PSMD1: variants seen among roughly 807,000 people sequenced by gnomAD.
PSMD1 encodes the protein 26S proteasome non-ATPase regulatory subunit 1.
Under a neutral mutation model 119.0 loss-of-function variants are expected in PSMD1, and 18 were observed. The observed-to-expected ratio is 0.15, with a 90% CI of 0.10 to 0.22. The LOEUF is 0.22. Ranked by LOEUF, PSMD1 falls within the 10% of genes least tolerant of loss-of-function variation. The pLI is 1.00. For synonymous variants in PSMD1, 374 were observed against 396.6 expected, an observed-to-expected ratio of 0.94 and a Z score of 0.68; for missense variants, 702 against 1,158.5, an observed-to-expected ratio of 0.61 and a Z score of 5.72.
In PSMD1 at chr2:231,123,484, A is replaced by G. The variant is rs766042968; in HGVS notation, c.1884-15252A>G. 9 of 1,613,978 alleles carry G rather than the reference A, an allele frequency of 5.6e-6. No individual in the cohort carries two copies. The East Asian group carries it at 1.1e-4, about 20-fold the overall frequency. ...CAGCAAATCAGCCACCGCCAAGGAC[A>G]TTAGAAAGTAATTAGTAGCATACTG... On this transcript the variant is annotated intron_variant, in intron 16 of 24. Transcript: ENST00000308696.
chr2:231,164,997 G>A (rs1574780080), intron 21 of PSMD1: 3 of 179,850 alleles, frequency 1.7e-5, no homozygotes, highest in African/African-American at 5.6e-5. Flanking sequence ...TAAATGTCCT[G>A]CTTAGTTTTC....
intron 18 of PSMD1, among the ~76,000 whole-genome samples, chr2:231,151,846 CTT>C (rs1696383701): frequency 1.0e-5 from 1 of 95,384 alleles, no homozygotes; most frequent in African/African-American, 4.3e-5. Flanking sequence ...GAGTTTTGCT[CTT>C]GTCGCCCAGG....
intron 16 of PSMD1, among the ~76,000 whole-genome samples, chr2:231,109,884 C>T (rs905587676): frequency 5.9e-5 from 9 of 152,078 alleles, no homozygotes; most frequent in African/African-American, 2.2e-4. Flanking sequence ...AACAGTTTTT[C>T]CTTTTGATAT....
At chr2:231,057,143 G>A in intron 1 of PSMD1, 102 bp downstream of exon 1, 23 of 1,378,722 alleles carry the variant, frequency 1.7e-5, no homozygotes, top group Non-Finnish European at 2.1e-5. Flanking sequence ...GCGGAACGCC[G>A]GCCTGGGCAG....
rs755697730 is a variant in PSMD1, at chr2:231,109,379, A to G, written c.1883+22198A>G. The stretch of plus-strand genomic sequence containing the variant: ...GTTTGGGTTGTCCACATCAGTCTCT[A>G]TCCCTTTAATAGGGACTGGAATGGC... On this transcript the variant is annotated intron_variant, in intron 16 of 24. Transcript: ENST00000308696. The G allele has an allele frequency of 3.1e-6, 5 of 1,614,158 alleles. No homozygotes were observed. In the East Asian group the frequency reaches 6.7e-5, roughly 22 times the overall value.
At chr2:231,167,705 A>G (rs1696820424) in intron 23 of PSMD1, among the ~76,000 whole-genome samples, 1 of 152,224 alleles carries the variant, frequency 6.6e-6, no homozygotes, top group Non-Finnish European at 1.5e-5. Context: ...AGGGAATACA[A>G]ACTTTATAGA....
At chr2:231,063,672 T>A (rs1201089628) in intron 4 of PSMD1, among the ~76,000 whole-genome samples, 1 of 152,226 alleles carries the variant, frequency 6.6e-6, no homozygotes, top group African/African-American at 2.4e-5. Context: ...TTTATTGCTG[T>A]TGGAGGCTCA....
intron 23 of PSMD1, among the ~76,000 whole-genome samples, chr2:231,166,675 G>A (rs1448537963): frequency 6.6e-6 from 1 of 152,102 alleles, no homozygotes; most frequent in African/African-American, 2.4e-5. Flanking sequence ...CCAGGTTCTT[G>A]TAGATAACTA....
At chr2:231,122,123 A>G (rs1695565994) in intron 16 of PSMD1, among the ~76,000 whole-genome samples, 1 of 152,170 alleles carries the variant, frequency 6.6e-6, no homozygotes, top group Admixed American at 6.5e-5. Context: ...TTACAAATTT[A>G]TAAAACAGGG....
At position 231,072,353 on chromosome 2, in the gene PSMD1, C is replaced by T; in HGVS notation, c.819C>T (p.Thr273=). 2 of 1,613,958 alleles carry T rather than the reference C, an allele frequency of 1.2e-6. No homozygotes were observed. The highest frequency in any genetic ancestry group is 2.2e-5 in the East Asian group (1 of 44,866). The change falls in exon 7 of 25, where the codon ACC becomes ACT. Residue 273 remains threonine, a synonymous_variant. Coordinates refer to ENST00000308696, the MANE Select transcript of PSMD1 (RefSeq NM_002807.4). ...TCCAGAATCTTCGAACTGTTGGCACCCCTATTGCTTCTGTGCCTGGATCCA... is the reference window on the plus strand; with the variant it reads ...TCCAGAATCTTCGAACTGTTGGCACTCCTATTGCTTCTGTGCCTGGATCCA... ...SVIQNLRTVG[T]PIASVPGSTN...
intron 16 of PSMD1, among the ~76,000 whole-genome samples, chr2:231,096,224 C>G (rs1694721474): frequency 6.6e-6 from 1 of 152,224 alleles, no homozygotes; most frequent in African/African-American, 2.4e-5. Context: ...TGCTGCTTGC[C>G]TAAGACAGAA....
intron 15 of PSMD1, among the ~76,000 whole-genome samples, chr2:231,085,328 A>AT (rs1694405780): frequency 6.6e-6 from 1 of 152,242 alleles, no homozygotes; most frequent in Non-Finnish European, 1.5e-5. Context: ...TCCCATATAA[A>AT]TGGAAGTCCT....
intron 1 of PSMD1, among the ~76,000 whole-genome samples, chr2:231,060,857 C>T (rs1209734577): frequency 6.6e-6 from 1 of 152,090 alleles, no homozygotes; most frequent in East Asian, 1.9e-4. Flanking sequence ...AGGAAAGTTT[C>T]CCATTTTAAT....
chr2:231,135,110 T>C lies in PSMD1; in HGVS notation c.1884-3626T>C, dbSNP rs376553870. ...TGGCAAAACACTTGAGTGAGTTTGT[T>C]AGATGATTTGGGTATCAAATTACGG... is the stretch of plus-strand genomic sequence containing the variant. On this transcript the variant is annotated intron_variant, in intron 16 of 24. Coordinates refer to ENST00000308696, the MANE Select transcript of PSMD1 (RefSeq NM_002807.4). 5.8e-4 allele frequency among the ~76,000 whole-genome samples: 89 copies of C among 152,314 alleles called. 1 individual carries two copies. The South Asian group carries it at 8.9e-3, about 15-fold the overall frequency.
At chr2:231,157,147 C>T (rs1027292799) in intron 19 of PSMD1, among the ~76,000 whole-genome samples, 1 of 152,032 alleles carries the variant, frequency 6.6e-6, no homozygotes, top group South Asian at 2.1e-4. Context: ...ACTTGTTCAC[C>T]ACTACCACAG....
intron 4 of PSMD1, among the ~76,000 whole-genome samples, chr2:231,065,430 C>T (rs1453259420): frequency 6.0e-5 from 9 of 150,884 alleles, no homozygotes; most frequent in African/African-American, 2.2e-4. Flanking sequence ...GTAGCTGGGA[C>T]TACAGGCGCC....
intron 4 of PSMD1, among the ~76,000 whole-genome samples, chr2:231,066,335 T>G (rs1227492595): frequency 6.6e-6 from 1 of 152,212 alleles, no homozygotes; most frequent in East Asian, 1.9e-4. Flanking sequence ...TACTCTCAGG[T>G]TGCTAATAGT....
chr2:231,119,174 G>A (rs1695446005), intron 16 of PSMD1, among the ~76,000 whole-genome samples: 1 of 152,122 alleles, frequency 6.6e-6, no homozygotes, highest in Admixed American at 6.5e-5. Context: ...AAAAAGAAGT[G>A]CCTTTAATTC....
At chr2:231,108,528 T>C (rs1425355982) in intron 16 of PSMD1, 9 of 1,613,376 alleles carry the variant, frequency 5.6e-6, no homozygotes, top group Non-Finnish European at 7.6e-6. Flanking sequence ...TATACATAAC[T>C]AACTTGCTCT....
Sources: allele counts gnomAD v4.1 joint callset (sites outside exome capture counted in the v4.1 genomes callset), GRCh38; gene constraint gnomAD v4.1.1; transcripts MANE v1.5; gene names NCBI Gene and HGNC (gene_info 2026-07-23, HGNC 2026-07-21).